CACNA1E: variants seen among roughly 807,000 people sequenced by gnomAD.
CACNA1E encodes the protein calcium voltage-gated channel subunit alpha1 E.
A neutral mutation model predicts 259.2 loss-of-function variants in CACNA1E; 40 were observed. That is an observed-to-expected ratio of 0.15 (90% CI 0.12 to 0.20). CACNA1E has a LOEUF of 0.20. Among genes scored for constraint, CACNA1E ranks in the 10% least tolerant of loss-of-function variants. CACNA1E has a pLI of 1.00. For missense variants in CACNA1E, 1,874 were observed against 3,040.1 expected (o/e 0.62, Z 9.02); for synonymous variants, 1,104 against 1,138.5 (o/e 0.97, Z 0.61).
intron 3 of CACNA1E, among the ~76,000 whole-genome samples, chr1:181,556,255 T>C (rs758866674): frequency 1.3e-5 from 2 of 152,212 alleles, no homozygotes; most frequent in Non-Finnish European, 2.9e-5. Context: ...CTGGGGTGGA[T>C]GGGGTGCAGC....
At chr1:181,450,490 G>C (rs1411550240) in intron 2 of CACNA1E, among the ~76,000 whole-genome samples, 2 of 151,982 alleles carry the variant, frequency 1.3e-5, no homozygotes, top group Non-Finnish European at 2.9e-5. Context: ...CAAGAAGAAG[G>C]AAAGACAAGT....
intron 1 of CACNA1E, among the ~76,000 whole-genome samples, chr1:181,390,731 C>T (rs1015041639): frequency 1.3e-5 from 2 of 152,240 alleles, no homozygotes; most frequent in Non-Finnish European, 2.9e-5. Context: ...ATCCTAGAAC[C>T]GTAAATGCTG....
intron 3 of CACNA1E, among the ~76,000 whole-genome samples, chr1:181,532,225 T>A (rs1344179875): frequency 6.6e-6 from 1 of 152,244 alleles, no homozygotes; most frequent in African/African-American, 2.4e-5. Flanking sequence ...TTGTTGTTTT[T>A]TGTTTAAAAT....
At chr1:181,641,048 A>G (rs1029837097) in intron 6 of CACNA1E, among the ~76,000 whole-genome samples, 2 of 152,198 alleles carry the variant, frequency 1.3e-5, no homozygotes, top group Non-Finnish European at 2.9e-5. Context: ...TATTATAGGT[A>G]TTTGTACTCA....
chr1:181,527,604 A>G (rs908447005), intron 3 of CACNA1E, among the ~76,000 whole-genome samples: 1 of 152,252 alleles, frequency 6.6e-6, no homozygotes, highest in Non-Finnish European at 1.5e-5. Context: ...TGTGAACAAA[A>G]TGCTGGCTGA....
At chr1:181,673,943 A>G (rs900439913) in intron 7 of CACNA1E, among the ~76,000 whole-genome samples, 3 of 152,040 alleles carry the variant, frequency 2.0e-5, no homozygotes, top group Admixed American at 6.5e-5. Flanking sequence ...AGTGTAGAGT[A>G]CCATGTTCCC....
intron 44 of CACNA1E, among the ~76,000 whole-genome samples, chr1:181,792,680 G>A (rs1661429812): frequency 9.0e-6 from 1 of 111,306 alleles, no homozygotes; most frequent in Non-Finnish European, 2.0e-5. Flanking sequence ...GCAATGCCCT[G>A]TTTTTAGGGT....
chr1:181,580,584 T>C lies in CACNA1E; in HGVS notation c.770-11T>C. On this transcript the variant is annotated splice_polypyrimidine_tract_variant and intron_variant, in intron 5 of 47. Coordinates refer to ENST00000367573, the MANE Select transcript of CACNA1E (RefSeq NM_001205293.3). Reference sequence around the variant, plus strand: ...TGTGATTTATCTCCTACCCTCCAAATGTGTCTGCAGGTATTCTAGAAGGAT... The same window carrying C: ...TGTGATTTATCTCCTACCCTCCAAACGTGTCTGCAGGTATTCTAGAAGGAT... The C allele has an allele frequency of 1.2e-6, 2 of 1,613,216 alleles. No homozygotes were observed. Among genetic ancestry groups the C allele is most frequent in the Non-Finnish European group, 1.7e-6 (2 of 1,179,178 alleles).
At chr1:181,501,698 C>T (rs1665260538) in intron 1 of CACNA1E, among the ~76,000 whole-genome samples, 1 of 151,902 alleles carries the variant, frequency 6.6e-6, no homozygotes, top group Non-Finnish European at 1.5e-5. Context: ...GCATTTCCAT[C>T]TTCTTGACAG....
rs577016746 is a variant in CACNA1E, at chr1:181,806,232, G to A, written c.*7398G>A. The A allele has an allele frequency of 6.6e-5, 10 of 152,428 alleles. No individual in the cohort carries two copies. In the East Asian group the frequency reaches 1.9e-3, roughly 29 times the overall value. 9.4% of individuals were successfully genotyped at this position (152,428 alleles called of 1,614,324 possible). On this transcript the variant is annotated 3_prime_UTR_variant, in exon 48 of 48. Coordinates refer to ENST00000367573, the MANE Select transcript of CACNA1E (RefSeq NM_001205293.3). ...GTGAGAATACCATGGGATGGGAGAA[G>A]GGCCAGTGAGTGGGATGGGAATGAG...
chr1:181,366,352 G>T (rs1654267432), intron 1 of CACNA1E, among the ~76,000 whole-genome samples: 1 of 152,152 alleles, frequency 6.6e-6, no homozygotes. Context: ...GAATCTGATT[G>T]GATTTACTTG....
At chr1:181,450,621 T>G (rs530886879) in intron 2 of CACNA1E, among the ~76,000 whole-genome samples, 5 of 151,888 alleles carry the variant, frequency 3.3e-5, no homozygotes, top group Admixed American at 3.3e-4. Context: ...TGGATGGAGG[T>G]ATGGGGAGAG....
chr1:181,697,362 C>A (rs1388262953), intron 7 of CACNA1E, among the ~76,000 whole-genome samples: 2 of 152,178 alleles, frequency 1.3e-5, no homozygotes, highest in Admixed American at 6.5e-5. Context: ...CTTAAACATC[C>A]TTTGGCTTCA....
At chr1:181,333,607 G>T (rs1222475830) in intron 1 of CACNA1E, among the ~76,000 whole-genome samples, 1 of 152,134 alleles carries the variant, frequency 6.6e-6, no homozygotes. Context: ...TTCATTAGGG[G>T]CTTACAAAAT....
Position 181,467,355 on chromosome 1 carries a change from G to A in CACNA1E, c.435-16389G>A, listed in dbSNP as rs574173079. ...GCAGGGGATGAGGGTACACAGGGTTGAGTTGAAAGCATGAGTGTAGGAGTT... is the reference window on the plus strand; with the variant it reads ...GCAGGGGATGAGGGTACACAGGGTTAAGTTGAAAGCATGAGTGTAGGAGTT... On this transcript the variant is annotated intron_variant, in intron 2 of 11. Transcript: ENST00000524607. Among the ~76,000 whole-genome samples the A allele has an allele frequency of 1.4e-4, 22 of 152,346 alleles. 1 individual carries two copies. In the South Asian group the frequency reaches 4.3e-3, roughly 30 times the overall value.
chr1:181,783,196 A>G (rs962184365), intron 39 of CACNA1E, among the ~76,000 whole-genome samples: 1 of 152,188 alleles, frequency 6.6e-6, no homozygotes, highest in African/African-American at 2.4e-5. Flanking sequence ...TACATCTTTC[A>G]AGTTAGATAA....
chr1:181,590,311 A>G (rs1652499144), intron 6 of CACNA1E, among the ~76,000 whole-genome samples: 1 of 151,062 alleles, frequency 6.6e-6, no homozygotes, highest in Non-Finnish European at 1.5e-5. Context: ...TCCACTCTTC[A>G]CTGCCTTCCA....
chr1:181,357,262 C>T (rs1158617024), intron 1 of CACNA1E, among the ~76,000 whole-genome samples: 3 of 152,230 alleles, frequency 2.0e-5, no homozygotes, highest in East Asian at 1.9e-4. Context: ...GTGGCTCCCA[C>T]TCCTGTTCTC....
chr1:181,655,349 A>C (rs1659123915), intron 7 of CACNA1E, among the ~76,000 whole-genome samples: 1 of 152,218 alleles, frequency 6.6e-6, no homozygotes, highest in Non-Finnish European at 1.5e-5. Flanking sequence ...AATATTCTGA[A>C]AGTGCCTGGT....
Sources: allele counts gnomAD v4.1 joint callset (sites outside exome capture counted in the v4.1 genomes callset), GRCh38; gene constraint gnomAD v4.1.1; transcripts MANE v1.5; gene names NCBI Gene and HGNC (gene_info 2026-07-23, HGNC 2026-07-21).